NRF1: variants seen among roughly 807,000 people sequenced by gnomAD.
NRF1 encodes alpha palindromic-binding protein.
Under a neutral mutation model 58.5 loss-of-function variants are expected in NRF1, and 5 were observed. The observed-to-expected ratio is 0.09, with a 90% CI of 0.04 to 0.18. The LOEUF (loss-of-function observed/expected upper bound fraction) is 0.18. Among genes scored for constraint, NRF1 ranks in the 10% least tolerant of loss-of-function variants. The pLI is 1.00. For missense variants in NRF1, 288 were observed against 657.7 expected, an observed-to-expected ratio of 0.44 and a Z score of 6.15; for synonymous variants, 224 against 246.7, an observed-to-expected ratio of 0.91 and a Z score of 0.86.
intron 2 of NRF1, among the ~76,000 whole-genome samples, chr7:129,658,583 C>A (rs1416414594): frequency 3.3e-5 from 5 of 149,630 alleles, no homozygotes; most frequent in African/African-American, 4.9e-5. Flanking sequence ...AGAGTGAGAG[C>A]CTGTGTCCAG....
At chr7:129,740,855 A>T (rs17556909) in intron 10 of NRF1, among the ~76,000 whole-genome samples, 6,493 of 152,286 alleles carry the variant, frequency 0.043, 168 homozygotes, top group Middle Eastern at 0.12. Flanking sequence ...TTGAAGGCTT[A>T]AAGACTGCAG....
chr7:129,636,783 C>T (rs1311052898), intron 1 of NRF1, among the ~76,000 whole-genome samples: 4 of 152,170 alleles, frequency 2.6e-5, no homozygotes, highest in South Asian at 2.1e-4. Context: ...TATGGCTAAA[C>T]ATAAACCTTA....
intron 1 of NRF1, among the ~76,000 whole-genome samples, chr7:129,654,932 T>C (rs541848618): frequency 4.1e-4 from 62 of 152,340 alleles, no homozygotes; most frequent in Non-Finnish European, 7.1e-4. Flanking sequence ...TTTTTGGCTG[T>C]TCTGGGTCTT....
chr7:129,653,894 G>A (rs1310450948), intron 1 of NRF1, among the ~76,000 whole-genome samples: 2 of 152,160 alleles, frequency 1.3e-5, no homozygotes, highest in Admixed American at 1.3e-4. Flanking sequence ...ACATTTTGGT[G>A]CTTCCAAGTT....
chr7:129,713,945 C>T (rs1803133173), intron 8 of NRF1, among the ~76,000 whole-genome samples: 1 of 152,220 alleles, frequency 6.6e-6, no homozygotes, highest in African/African-American at 2.4e-5. Flanking sequence ...TTTGAAGGGC[C>T]TTGTGGTAGT....
intron 10 of NRF1, among the ~76,000 whole-genome samples, chr7:129,754,425 T>A (rs1375435706): frequency 7.9e-6 from 1 of 126,868 alleles, no homozygotes. Flanking sequence ...GTCACGCCAC[T>A]GCACTCCAGC....
chr7:129,675,259 G>T (rs558890127), intron 3 of NRF1, among the ~76,000 whole-genome samples: 1 of 152,140 alleles, frequency 6.6e-6, no homozygotes, highest in Admixed American at 6.5e-5. Context: ...TACTGCATCC[G>T]CAGTTACTTC....
intron 10 of NRF1, among the ~76,000 whole-genome samples, chr7:129,732,721 G>A (rs1187884944): frequency 6.6e-6 from 1 of 152,128 alleles, no homozygotes; most frequent in Middle Eastern, 3.4e-3. Context: ...TCTTGCCTCA[G>A]CCTCCCGAGT....
chr7:129,638,852 G>A (rs1279044071), intron 1 of NRF1, among the ~76,000 whole-genome samples: 4 of 151,970 alleles, frequency 2.6e-5, no homozygotes, highest in African/African-American at 9.7e-5. Context: ...TTAGGTAAAG[G>A]CATTTTAATT....
At chr7:129,642,264 G>A (rs1801308246) in intron 1 of NRF1, among the ~76,000 whole-genome samples, 1 of 152,184 alleles carries the variant, frequency 6.6e-6, no homozygotes, top group Middle Eastern at 3.4e-3. Flanking sequence ...GATTACAGAC[G>A]TGAGCCACCG....
At chr7:129,719,470 G>C (rs1246915231) in intron 9 of NRF1, among the ~76,000 whole-genome samples, 2 of 147,298 alleles carry the variant, frequency 1.4e-5, no homozygotes, top group Non-Finnish European at 3.0e-5. Flanking sequence ...GCCAGAGATT[G>C]GTGGTTGATT....
At chr7:129,739,833 G>T (rs1249733806) in intron 10 of NRF1, among the ~76,000 whole-genome samples, 1 of 152,180 alleles carries the variant, frequency 6.6e-6, no homozygotes, top group East Asian at 1.9e-4. Context: ...CCCGCCAAAA[G>T]ATCAAATATC....
chr7:129,651,462 A>G (rs1801534258), intron 1 of NRF1, among the ~76,000 whole-genome samples: 1 of 150,474 alleles, frequency 6.6e-6, no homozygotes. Context: ...AGAATGGGAG[A>G]GGGAGAGAGG....
At chr7:129,699,910 C>G (rs183746650) in intron 5 of NRF1, among the ~76,000 whole-genome samples, 1 of 149,062 alleles carries the variant, frequency 6.7e-6, no homozygotes, top group Admixed American at 6.7e-5. Flanking sequence ...GAGGCCAAGG[C>G]GGGCAGATCA....
chr7:129,719,924 T>C (rs1803282155), intron 9 of NRF1, among the ~76,000 whole-genome samples: 1 of 152,138 alleles, frequency 6.6e-6, no homozygotes, highest in African/African-American at 2.4e-5. Context: ...TCCAGTGAAG[T>C]GTGTGTGTCC....
chr7:129,616,253 G>T (rs1032511916), intron 1 of NRF1, among the ~76,000 whole-genome samples: 1 of 152,150 alleles, frequency 6.6e-6, no homozygotes, highest in Admixed American at 6.5e-5. Flanking sequence ...CCAAAGAAGG[G>T]CTAGAAATAA....
intron 1 of NRF1, among the ~76,000 whole-genome samples, chr7:129,625,675 A>ATTTTTTTTTTT (rs56694598): frequency 2.2e-5 from 2 of 88,992 alleles, no homozygotes; most frequent in Non-Finnish European, 4.0e-5. Context: ...TAATGTTTTA[A>ATTTTTTTTTTT]TTTTTTTTTT....
chr7:129,631,904 C>T (rs574137301), intron 1 of NRF1, among the ~76,000 whole-genome samples: 8 of 152,196 alleles, frequency 5.3e-5, no homozygotes, highest in African/African-American at 1.7e-4. Context: ...TTTTGGAACA[C>T]GGATTTCAGA....
At chr7:129,751,748 C>T (rs1804121550) in intron 10 of NRF1, among the ~76,000 whole-genome samples, 1 of 152,240 alleles carries the variant, frequency 6.6e-6, no homozygotes, top group African/African-American at 2.4e-5. Flanking sequence ...CTGACCTTTG[C>T]TTCTGGTTTT....
Sources: gnomAD v4.1 joint callset for allele counts (sites outside exome capture counted in the v4.1 genomes callset) on GRCh38, gnomAD v4.1.1 for gene constraint, MANE v1.5 for transcripts, NCBI Gene and HGNC (gene_info 2026-07-23, HGNC 2026-07-21) for gene names.